DPP10: variants seen among roughly 807,000 people sequenced by gnomAD.
DPP10 encodes the protein inactive dipeptidyl peptidase 10.
A neutral mutation model predicts 120.9 loss-of-function variants in DPP10; 33 were observed. The observed-to-expected ratio is 0.27, with a 90% CI of 0.21 to 0.37. The LOEUF is 0.37. Ranked by LOEUF, DPP10 falls within the 10% of genes least tolerant of loss-of-function variation. The pLI is 1.00. For synonymous variants in DPP10, 337 were observed against 326.1 expected (o/e 1.03, Z -0.36); for missense variants, 816 against 942.8 (o/e 0.87, Z 1.76).
At chr2:115,671,550 G>T (rs1279887636) in intron 5 of DPP10, among the ~76,000 whole-genome samples, 1 of 151,764 alleles carries the variant, frequency 6.6e-6, no homozygotes, top group Non-Finnish European at 1.5e-5. Context: ...CAATATTTTA[G>T]ATATGTTACA....
chr2:114,709,593 G>C (rs1283284691), intron 1 of DPP10, among the ~76,000 whole-genome samples: 2 of 151,994 alleles, frequency 1.3e-5, no homozygotes, highest in Non-Finnish European at 2.9e-5. Flanking sequence ...TTATTTTTTA[G>C]CTAAGATATG....
intron 1 of DPP10, among the ~76,000 whole-genome samples, chr2:114,978,191 A>G (rs957115331): frequency 6.6e-6 from 1 of 152,214 alleles, no homozygotes; most frequent in African/African-American, 2.4e-5. Flanking sequence ...AATGTTCTAT[A>G]TATTTCCTGT....
chr2:114,892,383 C>T (rs916485188), intron 1 of DPP10, among the ~76,000 whole-genome samples: 2 of 152,186 alleles, frequency 1.3e-5, no homozygotes, highest in Non-Finnish European at 2.9e-5. Context: ...CTTGGAGAAG[C>T]ACTCCATGGA....
intron 1 of DPP10, among the ~76,000 whole-genome samples, chr2:114,574,893 G>A (rs1322535587): frequency 6.6e-6 from 1 of 152,166 alleles, no homozygotes; most frequent in Non-Finnish European, 1.5e-5. Context: ...GCACAGCGAG[G>A]CAGGCTGCCT....
At chr2:115,836,019 A>G in intron 21 of DPP10, 138 bp from the exon 22 acceptor site, 1 of 407,624 alleles carries the variant, frequency 2.5e-6, no homozygotes, top group Admixed American at 4.4e-5. Context: ...ACATTCTGAT[A>G]TGATGTACAG....
chr2:115,242,025 T>C (rs1328626311), intron 1 of DPP10, among the ~76,000 whole-genome samples: 1 of 152,116 alleles, frequency 6.6e-6, no homozygotes, highest in Non-Finnish European at 1.5e-5. Flanking sequence ...TTTCTATAGG[T>C]TTTTGGGGGC....
intron 1 of DPP10, among the ~76,000 whole-genome samples, chr2:114,511,935 T>C (rs898442936): frequency 6.6e-6 from 1 of 152,348 alleles, no homozygotes; most frequent in East Asian, 1.9e-4. Context: ...CCATAAATGT[T>C]GTCTCTTGCT....
At chr2:115,300,955 G>T (rs2061099177) in intron 1 of DPP10, among the ~76,000 whole-genome samples, 1 of 151,974 alleles carries the variant, frequency 6.6e-6, no homozygotes, top group Non-Finnish European at 1.5e-5. Context: ...ACTTCTTCCA[G>T]TCACTGTAGA....
intron 1 of DPP10, among the ~76,000 whole-genome samples, chr2:115,217,209 G>T (rs372469896): frequency 2.6e-4 from 40 of 152,248 alleles, no homozygotes; most frequent in African/African-American, 9.1e-4. Flanking sequence ...ATTACCAGCT[G>T]TGTGAACTTA....
At position 115,819,761 on chromosome 2, in the gene DPP10, A is replaced by C. The variant is rs551440870; in HGVS notation, c.1950+4032A>C. ...GTAATCCCAGCACCTTGGGAGGCCGAGGTGGGCGGATCGCCTGAGGTTGGG... is the reference window on the plus strand; with the variant it reads ...GTAATCCCAGCACCTTGGGAGGCCGCGGTGGGCGGATCGCCTGAGGTTGGG... On this transcript the variant is annotated intron_variant, in intron 21 of 25. Transcript: ENST00000410059. Among the ~76,000 whole-genome samples the C allele has an allele frequency of 2.0e-3, 307 of 152,200 alleles. 4 individuals carry two copies. Among genetic ancestry groups the C allele is most frequent in the Non-Finnish European group, 3.1e-3 (208 of 68,010 alleles).
intron 1 of DPP10, among the ~76,000 whole-genome samples, chr2:114,474,400 CCTT>C (rs1444065350): frequency 6.6e-6 from 1 of 152,192 alleles, no homozygotes; most frequent in Admixed American, 6.5e-5. Flanking sequence ...CCACACTGGC[CCTT>C]CTTCTTTTTC....
intron 1 of DPP10, among the ~76,000 whole-genome samples, chr2:114,866,762 C>A (rs1690270670): frequency 6.6e-6 from 1 of 152,136 alleles, no homozygotes; most frequent in Admixed American, 6.5e-5. Context: ...CATTTAGTAG[C>A]CTGTAACCTA....
chr2:114,951,436 A>ATT (rs1319158718), intron 1 of DPP10, among the ~76,000 whole-genome samples: 1 of 152,058 alleles, frequency 6.6e-6, no homozygotes, highest in Non-Finnish European at 1.5e-5. Flanking sequence ...AATAAAGTGT[A>ATT]TTTTTTTGAC....
At chr2:115,527,471 G>T (rs1347354122) in intron 5 of DPP10, among the ~76,000 whole-genome samples, 2 of 152,100 alleles carry the variant, frequency 1.3e-5, no homozygotes, top group Non-Finnish European at 2.9e-5. Flanking sequence ...TTTAAGGCTA[G>T]GGAAAAATTT....
intron 4 of DPP10, 94 bp from the exon 5 acceptor site, chr2:115,525,804 T>C: frequency 1.2e-6 from 1 of 828,142 alleles, no homozygotes; most frequent in East Asian, 2.6e-5. Context: ...TGCCATTTTA[T>C]AGTGCTATGA....
intron 1 of DPP10, among the ~76,000 whole-genome samples, chr2:114,888,665 T>C (rs1692286999): frequency 6.6e-6 from 1 of 152,212 alleles, no homozygotes; most frequent in Non-Finnish European, 1.5e-5. Context: ...CTTAAAAAGT[T>C]ACTGTTTCCT....
At chr2:114,470,105 G>A (rs1441589774) in intron 1 of DPP10, among the ~76,000 whole-genome samples, 1 of 152,164 alleles carries the variant, frequency 6.6e-6, no homozygotes, top group Admixed American at 6.5e-5. Context: ...AATCTTCCTG[G>A]GTTAAGTGGT....
chr2:115,087,543 T>C (rs187430880), intron 1 of DPP10, among the ~76,000 whole-genome samples: 79 of 142,264 alleles, frequency 5.6e-4, no homozygotes, highest in African/African-American at 1.8e-3. Flanking sequence ...CTTTTCTTTT[T>C]TTTTTTTTTT....
chr2:114,750,915 T>G (rs759899317), intron 1 of DPP10, among the ~76,000 whole-genome samples: 3 of 152,178 alleles, frequency 2.0e-5, no homozygotes, highest in Non-Finnish European at 4.4e-5. Flanking sequence ...ATCTAAACAT[T>G]CTGAATATTA....
Sources: gnomAD v4.1 joint callset for allele counts (sites outside exome capture counted in the v4.1 genomes callset) on GRCh38, gnomAD v4.1.1 for gene constraint, MANE v1.5 for transcripts, NCBI Gene and HGNC (gene_info 2026-07-23, HGNC 2026-07-21) for gene names.